Variants in ATP2B2 observed in about 807,000 individuals in gnomAD.
ATP2B2 encodes the protein ATPase plasma membrane Ca2+ transporting 2.
A neutral mutation model predicts 120.0 loss-of-function variants in ATP2B2; 15 were observed. The observed-to-expected ratio is 0.12, with a 90% confidence interval of 0.08 to 0.19. The LOEUF (loss-of-function observed/expected upper bound fraction) is 0.19, where lower values mean the gene tolerates loss of function less well. ATP2B2 is among the 10% of genes least tolerant of loss of function. The probability of loss-of-function intolerance (pLI) is 1.00; values close to 1 mark genes in which losing one functional copy is unlikely to be tolerated. For missense variants in ATP2B2, 1,045 were observed against 1,719.8 expected (o/e 0.61, Z 6.94); for synonymous variants, 694 against 700.3 (o/e 0.99, Z 0.14).
intron 1 of ATP2B2, among the ~76,000 whole-genome samples, chr3:10,691,218 T>C (rs1464104867): frequency 2.0e-5 from 3 of 152,172 alleles, no homozygotes; most frequent in Non-Finnish European, 4.4e-5. Context: ...TTGTCTGCAA[T>C]ATGGGGATAG....
intron 21 of ATP2B2, among the ~76,000 whole-genome samples, chr3:10,339,713 AGT>A (rs1357411506): frequency 6.6e-6 from 1 of 152,204 alleles, no homozygotes; most frequent in Non-Finnish European, 1.5e-5. Context: ...AATGTGGCAG[AGT>A]GTGTCCTGCT....
chr3:10,587,243 T>C (rs868413642), intron 2 of ATP2B2, among the ~76,000 whole-genome samples: 5 of 151,966 alleles, frequency 3.3e-5, no homozygotes, highest in South Asian at 2.1e-4. Flanking sequence ...AGGTCCAGAG[T>C]GCAGTGAGCC....
chr3:10,479,067 G>A (rs1464707918), intron 1 of ATP2B2, among the ~76,000 whole-genome samples: 1 of 150,486 alleles, frequency 6.6e-6, no homozygotes, highest in Non-Finnish European at 1.5e-5. Flanking sequence ...CAGCCAAGAG[G>A]AACTGTGAGT....
In ATP2B2 at chr3:10,691,893, G is replaced by A. The variant is rs543436961; in HGVS notation, c.-460+16022C>T. ...AAGTCTCATATCCAAGGAATGACAGGTGCTAGGAGCTTTCCCACATATCTT... is the reference window on the plus strand; with the variant it reads ...AAGTCTCATATCCAAGGAATGACAGATGCTAGGAGCTTTCCCACATATCTT... On this transcript the variant is annotated intron_variant, in intron 1 of 21. Transcript: ENST00000646379. 1.5e-4 allele frequency among the ~76,000 whole-genome samples: 23 copies of A among 152,270 alleles called. No individual in the cohort carries two copies. The South Asian group carries it at 4.8e-3, about 32-fold the overall frequency.
intron 1 of ATP2B2, among the ~76,000 whole-genome samples, chr3:10,652,548 C>T (rs766273405): frequency 1.3e-5 from 2 of 152,160 alleles, no homozygotes; most frequent in Non-Finnish European, 2.9e-5. Context: ...ACCAGCATGA[C>T]GATTCCTTGA....
chr3:10,639,982 A>C (rs1221364473), intron 1 of ATP2B2, among the ~76,000 whole-genome samples: 3 of 152,196 alleles, frequency 2.0e-5, no homozygotes, highest in African/African-American at 4.8e-5. Flanking sequence ...CCGTACATCC[A>C]GGCTTTCTTG....
chr3:10,505,728 A>AGGAG (rs1421557723), upstream of ATP2B2: 5 of 64,296 alleles, frequency 7.8e-5, no homozygotes, highest in East Asian at 5.5e-4. Context: ...TGGGGGCGGG[A>AGGAG]GGAGGGAGGG....
At chr3:10,539,279 T>G (rs2067382065) in intron 2 of ATP2B2, among the ~76,000 whole-genome samples, 1 of 152,114 alleles carries the variant, frequency 6.6e-6, no homozygotes, top group African/African-American at 2.4e-5. Flanking sequence ...ATCAATGTCG[T>G]GAAAATGGCC....
intron 1 of ATP2B2, among the ~76,000 whole-genome samples, chr3:10,630,201 A>T (rs114245668): frequency 0.018 from 2,784 of 152,090 alleles, 82 homozygotes; most frequent in African/African-American, 0.064. Flanking sequence ...GTACATGTGC[A>T]TGTTTGTTAC....
Position 10,333,250 on chromosome 3 carries a change from G to A in ATP2B2, c.3421-4125C>T, listed in dbSNP as rs552072653. ...GGCTGCAGGTGTTTTTGCCTCAGCA[G>A]GCACATGGGCAGCCTCCTCTGCTGG... On this transcript the variant is annotated intron_variant, in intron 22 of 22. Coordinates refer to ENST00000360273, the MANE Select transcript of ATP2B2 (RefSeq NM_001001331.4). Among the ~76,000 whole-genome samples, 3 of 152,294 alleles carry A rather than the reference G, an allele frequency of 2.0e-5. No homozygotes were observed. The South Asian group carries it at 6.2e-4, about 32-fold the overall frequency.
intron 2 of ATP2B2, among the ~76,000 whole-genome samples, chr3:10,611,260 G>A (rs139599270): frequency 9.2e-5 from 14 of 152,278 alleles, no homozygotes; most frequent in Middle Eastern, 3.4e-3. Context: ...CCTGGCAGGG[G>A]TGGGCAAGGC....
intron 12 of ATP2B2, 104 bp from the exon 13 acceptor site, chr3:10,360,227 G>A: frequency 6.8e-7 from 1 of 1,469,794 alleles, no homozygotes; most frequent in Non-Finnish European, 9.0e-7. Context: ...GGTGGTCTCT[G>A]GGCTGGGGGC....
chr3:10,683,720 G>C (rs1163276488), intron 1 of ATP2B2, among the ~76,000 whole-genome samples: 2 of 133,034 alleles, frequency 1.5e-5, no homozygotes. Flanking sequence ...GTATATACAT[G>C]TGTGTGTGTA....
intron 2 of ATP2B2, among the ~76,000 whole-genome samples, chr3:10,414,843 G>A (rs898341297): frequency 2.0e-5 from 3 of 152,226 alleles, no homozygotes; most frequent in African/African-American, 4.8e-5. Flanking sequence ...CTTCCGAGAG[G>A]CCCTCTGTTC....
At chr3:10,394,491 C>A (rs777607437) in intron 5 of ATP2B2, 1 of 471,078 alleles carries the variant, frequency 2.1e-6, no homozygotes, top group Admixed American at 2.4e-5. Context: ...GGACTTGAAC[C>A]CGTGCTCTAT....
upstream of ATP2B2, among the ~76,000 whole-genome samples, chr3:10,509,334 T>C (rs2066713359): frequency 6.6e-6 from 1 of 152,076 alleles, no homozygotes; most frequent in Non-Finnish European, 1.5e-5. Flanking sequence ...TGTAGACACC[T>C]GGGTAGGAGT....
chr3:10,609,367 C>G (rs1351053739), intron 2 of ATP2B2, among the ~76,000 whole-genome samples: 1 of 152,180 alleles, frequency 6.6e-6, no homozygotes, highest in Non-Finnish European at 1.5e-5. Flanking sequence ...CCGCCCCCAC[C>G]CATGACTACG....
At chr3:10,341,343 C>T (rs965058221) in intron 19 of ATP2B2, among the ~76,000 whole-genome samples, 7 of 152,220 alleles carry the variant, frequency 4.6e-5, no homozygotes, top group African/African-American at 7.2e-5. Context: ...GATGGAGTCT[C>T]GTTGTTGCCC....
At chr3:10,565,211 C>CA (rs1363841781) in intron 2 of ATP2B2, among the ~76,000 whole-genome samples, 1 of 152,118 alleles carries the variant, frequency 6.6e-6, no homozygotes, top group Non-Finnish European at 1.5e-5. Flanking sequence ...CTAGAGCAGC[C>CA]AATTTAGACC....
Sources: gnomAD v4.1 joint callset for allele counts (sites outside exome capture counted in the v4.1 genomes callset) on GRCh38, gnomAD v4.1.1 for gene constraint, MANE v1.5 for transcripts, NCBI Gene and HGNC (gene_info 2026-07-23, HGNC 2026-07-21) for gene names.